The following SEMA3D variants were observed in gnomAD, a reference collection of about 807,000 sequenced individuals.
SEMA3D encodes semaphorin-3D.
A neutral mutation model predicts 100.1 loss-of-function variants in SEMA3D; 84 were observed. The ratio of observed to expected loss-of-function variants is 0.84; its 90% CI spans 0.70 to 1.01. SEMA3D has a LOEUF of 1.01. Ranked by LOEUF, SEMA3D falls within the 50% of genes least tolerant of loss-of-function variation. The pLI is 0.00. For missense variants in SEMA3D, 875 were observed against 934.1 expected (o/e 0.94, Z 0.82); for synonymous variants, 312 against 320.7 (o/e 0.97, Z 0.29).
chr7:85,021,074 A>G (rs958309090), intron 13 of SEMA3D, among the ~76,000 whole-genome samples: 1 of 151,722 alleles, frequency 6.6e-6, no homozygotes, highest in African/African-American at 2.4e-5. Context: ...TTTATATAAT[A>G]TAGGCATTTT....
intron 3 of SEMA3D, among the ~76,000 whole-genome samples, chr7:85,117,653 G>A (rs897306446): frequency 1.3e-5 from 2 of 151,920 alleles, no homozygotes; most frequent in African/African-American, 4.8e-5. Context: ...CATGCTTGTA[G>A]TCCCAGCTAC....
chr7:85,187,658 C>T (rs1791598637), upstream of SEMA3D, among the ~76,000 whole-genome samples: 1 of 152,236 alleles, frequency 6.6e-6, no homozygotes. Flanking sequence ...TTTTTGCACC[C>T]CTTATTCACA....
chr7:85,164,989 T>G (rs1354993930), intron 1 of SEMA3D, among the ~76,000 whole-genome samples: 1 of 85,106 alleles, frequency 1.2e-5, no homozygotes, highest in Non-Finnish European at 2.2e-5. Flanking sequence ...ATGCTATCCC[T>G]CCCCCTTCCC....
At chr7:85,203,964 G>T in the SEMA3D span, among the ~76,000 whole-genome samples, 6 of 151,946 alleles carry the variant, frequency 3.9e-5, no homozygotes, top group East Asian at 1.2e-3. Flanking sequence ...AGGTAACAAA[G>T]ATCTGAACAC....
chr7:85,073,287 T>A (rs1214443798), intron 5 of SEMA3D, among the ~76,000 whole-genome samples: 1 of 152,182 alleles, frequency 6.6e-6, no homozygotes, highest in Non-Finnish European at 1.5e-5. Context: ...GCTTTTTAGA[T>A]TTTTGAAGTT....
chr7:85,235,729 G>C, the SEMA3D span, among the ~76,000 whole-genome samples: 1 of 152,140 alleles, frequency 6.6e-6, no homozygotes, highest in African/African-American at 2.4e-5. Flanking sequence ...AGAATAATGT[G>C]TGTGTCAGAA....
the SEMA3D span, among the ~76,000 whole-genome samples, chr7:85,237,506 C>T: frequency 6.0e-4 from 92 of 152,224 alleles, no homozygotes; most frequent in African/African-American, 2.0e-3. Context: ...TTGCTTTTTC[C>T]AGAATGTCAT....
the SEMA3D span, among the ~76,000 whole-genome samples, chr7:85,243,218 A>T: frequency 6.6e-6 from 1 of 152,156 alleles, no homozygotes; most frequent in Admixed American, 6.6e-5. Flanking sequence ...TGGGGACAGG[A>T]TGTAATGGCA....
At chr7:85,225,980 T>C in the SEMA3D span, among the ~76,000 whole-genome samples, 5 of 152,326 alleles carry the variant, frequency 3.3e-5, 1 homozygote, top group African/African-American at 1.2e-4. Context: ...GCCTCCACAT[T>C]GCACTAATTT....
chr7:85,200,817 A>T, the SEMA3D span, among the ~76,000 whole-genome samples: 4 of 152,186 alleles, frequency 2.6e-5, no homozygotes, highest in African/African-American at 9.6e-5. Flanking sequence ...GGCCAGGCCC[A>T]GTGTCTCCAT....
chr7:85,094,912 G>GA (rs1274175476), intron 4 of SEMA3D, among the ~76,000 whole-genome samples: 1 of 151,666 alleles, frequency 6.6e-6, no homozygotes, highest in African/African-American at 2.4e-5. Context: ...AGTCCCTATA[G>GA]AAATAGTCCT....
At position 84,999,671 on chromosome 7, in the gene SEMA3D, C is replaced by A. The variant is rs1789601140; in HGVS notation, c.2103G>T (p.Lys701Asn). ...NTQRAEHEEG[K>N]VKDLLAESRL... ...GTGACTCAGCCAATAGATCCTTGAC[C>A]TTCCCCTCCTCATGCTCTGCCCTCT... The change falls in exon 19 of 19, where the codon AAG becomes AAT. Residue 701 changes from lysine (K) to asparagine (N), a missense_variant. Coordinates refer to ENST00000284136, the MANE Select transcript of SEMA3D (RefSeq NM_001384900.1). 1.2e-6 allele frequency: 2 copies of A among 1,614,042 alleles called. No homozygotes were observed. The highest frequency in any genetic ancestry group is 2.7e-5 in the African/African-American group (2 of 75,038).
intron 4 of SEMA3D, among the ~76,000 whole-genome samples, chr7:85,086,269 G>A (rs1171445452): frequency 1.3e-5 from 2 of 151,946 alleles, no homozygotes; most frequent in Non-Finnish European, 2.9e-5. Flanking sequence ...ATATTGAAAA[G>A]ATGTCAGTTT....
At chr7:85,091,733 C>T (rs747875094) in intron 4 of SEMA3D, among the ~76,000 whole-genome samples, 1 of 152,044 alleles carries the variant, frequency 6.6e-6, no homozygotes, top group Non-Finnish European at 1.5e-5. Flanking sequence ...AAATGTCAAA[C>T]ACATTCATTA....
At chr7:85,179,001 T>C (rs1402565728) in intron 1 of SEMA3D, among the ~76,000 whole-genome samples, 1 of 152,218 alleles carries the variant, frequency 6.6e-6, no homozygotes, top group Admixed American at 6.5e-5. Flanking sequence ...GTGTTGGTCC[T>C]GCAGGTGCAA....
intron 17 of SEMA3D, among the ~76,000 whole-genome samples, chr7:85,007,608 C>T (rs573418304): frequency 6.6e-6 from 1 of 151,746 alleles, no homozygotes; most frequent in Non-Finnish European, 1.5e-5. Flanking sequence ...GTGTCTCAGA[C>T]ACCTTATTCT....
At chr7:85,135,494 G>C (rs531031224) in intron 2 of SEMA3D, among the ~76,000 whole-genome samples, 1 of 151,724 alleles carries the variant, frequency 6.6e-6, no homozygotes, top group Non-Finnish European at 1.5e-5. Context: ...ATAACACACC[G>C]GGGCCTGTCG....
At chr7:85,145,389 T>C (rs1790173207) in intron 2 of SEMA3D, among the ~76,000 whole-genome samples, 1 of 152,112 alleles carries the variant, frequency 6.6e-6, no homozygotes, top group Admixed American at 6.6e-5. Context: ...CAAATAATTA[T>C]ATAAGAAGCA....
Position 85,072,447 on chromosome 7 carries a change from C to A in SEMA3D, c.495+515G>T, listed in dbSNP as rs950099907. Among the ~76,000 whole-genome samples the A allele has an allele frequency of 2.6e-5, 4 of 152,080 alleles. No homozygotes were observed. In the East Asian group the frequency reaches 7.7e-4, roughly 29 times the overall value. On this transcript the variant is annotated intron_variant, in intron 6 of 18. Coordinates refer to ENST00000284136, the MANE Select transcript of SEMA3D (RefSeq NM_001384900.1). ...ATATAATGCAATTCCACTGCAAGATCTTATGGAAAATGAATTTTTACCAAT... is the reference window on the plus strand; with the variant it reads ...ATATAATGCAATTCCACTGCAAGATATTATGGAAAATGAATTTTTACCAAT...
Sources: allele counts gnomAD v4.1 joint callset (sites outside exome capture counted in the v4.1 genomes callset), GRCh38; gene constraint gnomAD v4.1.1; transcripts MANE v1.5; gene names NCBI Gene and HGNC (gene_info 2026-07-23, HGNC 2026-07-21).